ST8SIA1: variants seen among roughly 807,000 people sequenced by gnomAD.
ST8SIA1 encodes alpha-N-acetylneuraminide alpha-2,8-sialyltransferase.
In ST8SIA1, 16 loss-of-function variants were observed where a neutral mutation model predicts 35.9. The observed-to-expected ratio is 0.45, with a 90% CI of 0.30 to 0.68. ST8SIA1 has a LOEUF of 0.68. Ranked by LOEUF, ST8SIA1 falls within the 30% of genes least tolerant of loss-of-function variation. The pLI is 0.09. For missense variants in ST8SIA1, 383 were observed against 453.6 expected (o/e 0.84, Z 1.41); for synonymous variants, 170 against 169.6 (o/e 1.00, Z -0.02).
chr12:22,238,616 C>A (rs1155392), intron 4 of ST8SIA1, among the ~76,000 whole-genome samples: 113,953 of 152,124 alleles, frequency 0.75, 42,839 homozygotes, highest in Middle Eastern at 0.87. Flanking sequence ...TGCTTAAGAC[C>A]AAAGGATGAC....
intron 4 of ST8SIA1, among the ~76,000 whole-genome samples, chr12:22,224,438 T>A (rs979809644): frequency 1.3e-5 from 2 of 151,946 alleles, no homozygotes; most frequent in Non-Finnish European, 2.9e-5. Context: ...GCCTCCTGAG[T>A]AGCTGGGATT....
At chr12:22,226,409 C>T (rs1591828498) in intron 4 of ST8SIA1, among the ~76,000 whole-genome samples, 2 of 152,030 alleles carry the variant, frequency 1.3e-5, no homozygotes, top group African/African-American at 4.8e-5. Flanking sequence ...AAATGTGGGT[C>T]TTTTTGCATT....
At chr12:22,258,733 G>A (rs1264690215) in intron 2 of ST8SIA1, among the ~76,000 whole-genome samples, 1 of 152,118 alleles carries the variant, frequency 6.6e-6, no homozygotes, top group East Asian at 1.9e-4. Flanking sequence ...CTAATATTTA[G>A]TTTGCTCTAT....
intron 2 of ST8SIA1, among the ~76,000 whole-genome samples, chr12:22,282,558 T>C (rs905930337): frequency 6.6e-6 from 1 of 152,182 alleles, no homozygotes; most frequent in Non-Finnish European, 1.5e-5. Flanking sequence ...GCGAAGTTCC[T>C]TGGCCATCAG....
intron 1 of ST8SIA1, among the ~76,000 whole-genome samples, chr12:22,308,092 A>G (rs775292874): frequency 2.6e-5 from 4 of 152,210 alleles, no homozygotes; most frequent in Non-Finnish European, 5.9e-5. Context: ...CACCCAGATT[A>G]CCAAGTAAAT....
rs559006202 is a variant in ST8SIA1 at position 22,333,915 on chromosome 12, G to A, written c.236+82C>T. On this transcript the variant is annotated intron_variant, in intron 1 of 4. Transcript: ENST00000396037. ...GGGATGCCTCTGCGAGACGGTGCAA[G>A]GCGGTCCTCGCCGGTGACCCTGTCC... is the stretch of plus-strand genomic sequence containing the variant. The A allele has an allele frequency of 1.9e-4, 236 of 1,213,138 alleles. 3 individuals carry two copies. The Middle Eastern group carries it at 2.4e-3, about 13-fold the overall frequency. 75.1% of individuals were successfully genotyped at this position (1,213,138 alleles called of 1,614,324 possible). A position where few individuals can be genotyped will look rare whatever the true frequency, so the allele number is the denominator to read the frequency against.
intron 4 of ST8SIA1, among the ~76,000 whole-genome samples, chr12:22,244,113 C>T (rs933554011): frequency 2.0e-5 from 3 of 152,128 alleles, no homozygotes; most frequent in African/African-American, 7.2e-5. Context: ...TAGTATACGT[C>T]TCGAACTCAA....
intron 2 of ST8SIA1, among the ~76,000 whole-genome samples, chr12:22,261,060 G>T (rs1865785707): frequency 6.6e-6 from 1 of 151,386 alleles, no homozygotes; most frequent in African/African-American, 2.4e-5. Context: ...TTTTTTGTTT[G>T]TAGACACGAG....
At chr12:22,205,188 A>G (rs1213313805) in intron 4 of ST8SIA1, among the ~76,000 whole-genome samples, 3 of 152,170 alleles carry the variant, frequency 2.0e-5, no homozygotes, top group African/African-American at 7.2e-5. Flanking sequence ...CATACTCTCT[A>G]AGACTATGTA....
chr12:22,202,398 T>C (rs61921791), intron 4 of ST8SIA1, among the ~76,000 whole-genome samples: 7,823 of 152,286 alleles, frequency 0.051, 307 homozygotes, highest in Middle Eastern at 0.092. Flanking sequence ...TGAAAGGTAC[T>C]TAGGTGGTCT....
chr12:22,299,740 T>G (rs1347029504), intron 1 of ST8SIA1, among the ~76,000 whole-genome samples: 2 of 152,154 alleles, frequency 1.3e-5, no homozygotes, highest in Non-Finnish European at 2.9e-5. Flanking sequence ...TTTTAATTTT[T>G]TTAACCCAAA....
Position 22,193,714 on chromosome 12 carries a change from C to T in ST8SIA1, c.*7838G>A, listed in dbSNP as rs1864950580. The T allele has an allele frequency of 6.6e-6, 1 of 152,140 alleles. No individual in the cohort carries two copies. The highest frequency in any genetic ancestry group is 6.5e-5 in the Admixed American group (1 of 15,274). 9.4% of individuals were successfully genotyped at this position (152,140 alleles called of 1,614,324 possible). A position where few individuals can be genotyped will look rare whatever the true frequency, so the allele number is the denominator to read the frequency against. The stretch of plus-strand genomic sequence containing the variant: ...AAGAATTGAGCACACTGATTTTCTC[C>T]ACACTTTTTGCCAATGTAGGTTGGC... On this transcript the variant is annotated 3_prime_UTR_variant, in exon 5 of 5. Coordinates refer to ENST00000396037, the MANE Select transcript of ST8SIA1 (RefSeq NM_003034.4).
chr12:22,321,608 A>G (rs1866602735), intron 1 of ST8SIA1, among the ~76,000 whole-genome samples: 1 of 152,196 alleles, frequency 6.6e-6, no homozygotes, highest in South Asian at 2.1e-4. Context: ...CCAGAGTGAG[A>G]CTGTCCCAAG....
At chr12:22,291,133 A>G (rs1866170339) in intron 1 of ST8SIA1, among the ~76,000 whole-genome samples, 1 of 152,202 alleles carries the variant, frequency 6.6e-6, no homozygotes, top group Admixed American at 6.5e-5. Flanking sequence ...AATTCATAAG[A>G]TCAATTAAGC....
At chr12:22,303,846 CCACACACA>C (rs61596419) in intron 1 of ST8SIA1, among the ~76,000 whole-genome samples, 51 of 140,776 alleles carry the variant, frequency 3.6e-4, no homozygotes, top group Middle Eastern at 3.7e-3. Flanking sequence ...CACCACCCTG[CCACACACA>C]CACACACACA....
intron 4 of ST8SIA1, among the ~76,000 whole-genome samples, chr12:22,229,630 A>G (rs1022948356): frequency 6.6e-6 from 1 of 152,030 alleles, no homozygotes; most frequent in Non-Finnish European, 1.5e-5. Flanking sequence ...AAAAAAAAAA[A>G]AAAAAAAGAA....
chr12:22,231,299 C>T (rs747418433), intron 4 of ST8SIA1, among the ~76,000 whole-genome samples: 13 of 151,568 alleles, frequency 8.6e-5, no homozygotes, highest in Admixed American at 2.0e-4. Flanking sequence ...AACTGTTCCA[C>T]GATCACCACC....
chr12:22,210,944 C>T (rs1315508880), intron 4 of ST8SIA1, among the ~76,000 whole-genome samples: 1 of 152,182 alleles, frequency 6.6e-6, no homozygotes, highest in Non-Finnish European at 1.5e-5. Context: ...ACCAATCGTG[C>T]TGTTTCTGTA....
chr12:22,198,570 C>G lies in ST8SIA1; in HGVS notation c.*2982G>C, dbSNP rs1865015933. 6.7e-6 allele frequency: 1 copy of G among 148,164 alleles called. No homozygotes were observed. The allele number at this position is 148,164 out of a possible 1,614,324, so 9.2% of individuals were successfully genotyped here. Reference sequence around the variant, plus strand: ...ACACACACACACACACACACACACTCCTATCTAACCAATTATGTCCAAAAG... The same window carrying G: ...ACACACACACACACACACACACACTGCTATCTAACCAATTATGTCCAAAAG... On this transcript the variant is annotated 3_prime_UTR_variant, in exon 5 of 5. Coordinates refer to ENST00000396037, the MANE Select transcript of ST8SIA1 (RefSeq NM_003034.4).
Sources: allele counts gnomAD v4.1 joint callset (sites outside exome capture counted in the v4.1 genomes callset), GRCh38; gene constraint gnomAD v4.1.1; transcripts MANE v1.5; gene names NCBI Gene and HGNC (gene_info 2026-07-23, HGNC 2026-07-21).